Variants in HYDIN observed in about 807,000 individuals in gnomAD.
The protein encoded by HYDIN is axonemal central pair apparatus protein HYDIN.
In HYDIN, 132 loss-of-function variants were observed where a neutral mutation model predicts 403.9. The ratio of observed to expected loss-of-function variants is 0.33; its 90% CI spans 0.28 to 0.38. HYDIN has a LOEUF of 0.38. HYDIN is among the 10% of genes least tolerant of loss of function. The pLI is 1.00. For missense variants in HYDIN, 2,827 were observed against 5,009.5 expected (o/e 0.56, Z 13.15); for synonymous variants, 1,202 against 1,891.7 (o/e 0.64, Z 9.46).
At chr16:71,075,295 C>A (rs373999680) in intron 13 of HYDIN, among the ~76,000 whole-genome samples, 2 of 151,252 alleles carry the variant, frequency 1.3e-5, no homozygotes, top group South Asian at 4.2e-4. Context: ...AAGCTAATTA[C>A]CAAAACTTTC....
At chr16:70,913,172 CTGGGTTTGGGTTTGA>C (rs2076741146) in intron 47 of HYDIN, among the ~76,000 whole-genome samples, 1 of 149,846 alleles carries the variant, frequency 6.7e-6, no homozygotes, top group Non-Finnish European at 1.5e-5. Flanking sequence ...CTTTCTTCTG[CTGGGTTTGGGTTTGA>C]TTTGTTCTTG....
At chr16:70,884,645 A>G (rs2041017168) in intron 58 of HYDIN, among the ~76,000 whole-genome samples, 1 of 151,848 alleles carries the variant, frequency 6.6e-6, no homozygotes, top group Non-Finnish European at 1.5e-5. Flanking sequence ...ACAGGTGTGA[A>G]GCATGTAGCA....
intron 37 of HYDIN, among the ~76,000 whole-genome samples, 158 bp downstream of exon 37, chr16:70,964,570 G>A (rs926991592): frequency 3.3e-5 from 5 of 150,416 alleles, no homozygotes; most frequent in Admixed American, 1.3e-4. Flanking sequence ...GGGATAACGC[G>A]ACCCATTTTG....
chr16:71,116,470 G>A (rs2084038526), intron 9 of HYDIN, among the ~76,000 whole-genome samples: 1 of 152,116 alleles, frequency 6.6e-6, no homozygotes, highest in South Asian at 2.1e-4. Context: ...TGGCCATTGT[G>A]AATAATGCTG....
chr16:71,098,695 C>T (rs570313382), intron 10 of HYDIN, among the ~76,000 whole-genome samples: 987 of 144,682 alleles, frequency 6.8e-3, no homozygotes, highest in African/African-American at 0.024. Context: ...ACTGTCAGGC[C>T]TAAAACTTTC....
chr16:71,180,751 A>G (rs942230657), intron 3 of HYDIN, among the ~76,000 whole-genome samples: 2 of 152,140 alleles, frequency 1.3e-5, no homozygotes, highest in Admixed American at 1.3e-4. Context: ...TCAAACAAGA[A>G]GAAACAAAAC....
At chr16:71,123,826 A>ACTTGGTTC (rs2084348207) in intron 9 of HYDIN, among the ~76,000 whole-genome samples, 1 of 151,700 alleles carries the variant, frequency 6.6e-6, no homozygotes, top group Admixed American at 6.6e-5. Flanking sequence ...AACCCCTTTC[A>ACTTGGTTC]CTTGGTTCTC....
At chr16:70,853,892 CTTTTTTT>C (rs140632293) in intron 73 of HYDIN, among the ~76,000 whole-genome samples, 1 of 120,950 alleles carries the variant, frequency 8.3e-6, no homozygotes, top group Admixed American at 7.9e-5. Flanking sequence ...TTCTTTCTTT[CTTTTTTT>C]TTTTTTTTTT....
intron 9 of HYDIN, among the ~76,000 whole-genome samples, chr16:71,116,687 C>T (rs1429107045): frequency 2.2e-4 from 33 of 152,254 alleles, no homozygotes; most frequent in Middle Eastern, 3.4e-3. Context: ...TTAAAGACAA[C>T]ATTTTTCTAA....
intron 3 of HYDIN, 25 bp downstream of exon 3, chr16:71,184,840 T>A (rs371613507): frequency 2.9e-5 from 46 of 1,559,438 alleles, no homozygotes; most frequent in African/African-American, 2.6e-4. Context: ...CCACTTTATA[T>A]GTAAGTACGA....
chr16:70,974,776 A>G (rs977184143), intron 31 of HYDIN, 106 bp from the exon 32 acceptor site: 3 of 670,806 alleles, frequency 4.5e-6, no homozygotes, highest in South Asian at 1.9e-5. Flanking sequence ...GCACAGTTTT[A>G]TTCTCCAGAG....
At chr16:71,064,913 C>G in intron 15 of HYDIN, 73 bp from the exon 16 acceptor site, 2 of 1,550,084 alleles carry the variant, frequency 1.3e-6, no homozygotes, top group Non-Finnish European at 1.8e-6. Context: ...GAGCCCCAAG[C>G]GAGATACATT....
At chr16:71,159,900 T>C (rs2085930741) in intron 6 of HYDIN, among the ~76,000 whole-genome samples, 1 of 148,902 alleles carries the variant, frequency 6.7e-6, no homozygotes, top group Non-Finnish European at 1.5e-5. Flanking sequence ...AGTAGACTTG[T>C]GCTACAAGAA....
chr16:71,196,041 T>C (rs762513282), intron 1 of HYDIN, among the ~76,000 whole-genome samples: 7 of 152,230 alleles, frequency 4.6e-5, no homozygotes, highest in Admixed American at 1.3e-4. Context: ...GTGCTTATTA[T>C]TTGTGAGCCC....
intron 66 of HYDIN, 121 bp from the exon 67 acceptor site, chr16:70,866,450 T>C (rs558843714): frequency 3.5e-6 from 3 of 864,118 alleles, no homozygotes; most frequent in Non-Finnish European, 5.2e-6. Flanking sequence ...GTACACTATG[T>C]GACAATAAAG....
intron 7 of HYDIN, among the ~76,000 whole-genome samples, chr16:71,143,433 C>G (rs1213568801): frequency 6.6e-6 from 1 of 152,168 alleles, no homozygotes. Flanking sequence ...TTATAGAAAC[C>G]TTATCTCACT....
intron 8 of HYDIN, among the ~76,000 whole-genome samples, chr16:71,133,781 G>A (rs1341922582): frequency 6.6e-6 from 1 of 151,606 alleles, no homozygotes; most frequent in African/African-American, 2.4e-5. Flanking sequence ...CAAGGTTGAG[G>A]AAGCAAGGAG....
At chr16:70,938,800 A>G (rs1300019581) in intron 43 of HYDIN, 45 bp from the exon 44 acceptor site, 2 of 1,608,942 alleles carry the variant, frequency 1.2e-6, no homozygotes, top group Non-Finnish European at 1.7e-6. Context: ...AGTCCTTCTC[A>G]GTCTCGCTAG....
chr16:71,100,247 G>C (rs1203613259), intron 10 of HYDIN, among the ~76,000 whole-genome samples: 7 of 152,140 alleles, frequency 4.6e-5, no homozygotes, highest in Non-Finnish European at 8.8e-5. Flanking sequence ...ATAAATGAAT[G>C]AATAAATAGA....
Sources: allele counts gnomAD v4.1 joint callset (sites outside exome capture counted in the v4.1 genomes callset), GRCh38; gene constraint gnomAD v4.1.1; transcripts MANE v1.5; gene names NCBI Gene and HGNC (gene_info 2026-07-23, HGNC 2026-07-21).